SYCP3: variants seen among roughly 807,000 people sequenced by gnomAD.
SYCP3 encodes synaptonemal complex protein 3.
In SYCP3, 29 loss-of-function variants were observed where a neutral mutation model predicts 38.5. That is an observed-to-expected ratio of 0.75 (90% CI 0.56 to 1.03). The LOEUF (loss-of-function observed/expected upper bound fraction) is 1.03. SYCP3 is among the 50% of genes least tolerant of loss of function. The pLI, the probability that SYCP3 is intolerant of heterozygous loss-of-function variation, is 0.00. For synonymous variants in SYCP3, 79 were observed against 80.3 expected, an observed-to-expected ratio of 0.98 and a Z score of 0.08; for missense variants, 242 against 270.7, an observed-to-expected ratio of 0.89 and a Z score of 0.74.
At chr12:101,735,508 A>C (rs906134939) in intron 4 of SYCP3, among the ~76,000 whole-genome samples, 1 of 152,010 alleles carries the variant, frequency 6.6e-6, no homozygotes, top group Admixed American at 6.6e-5. Flanking sequence ...TAAAAATACA[A>C]AAATTAGCTG....
chr12:101,729,994 CAA>C (rs1466549599), intron 7 of SYCP3, among the ~76,000 whole-genome samples: 1 of 151,964 alleles, frequency 6.6e-6, no homozygotes, highest in Non-Finnish European at 1.5e-5. Flanking sequence ...GGGTAATGAA[CAA>C]ATGTAGTAAA....
Position 101,737,891 on chromosome 12 carries a change from CG to C in SYCP3, c.44del (p.Pro15ArgfsTer21). The part of the protein sequence containing the change: ...GKKYSRKSGK[P>X]SVEDQFTRAY... Reference sequence around the variant, plus strand: ...CTCTCGTAAACTGATCTTCCACAGACGGCTTCCCAGATTTCCTGGAATACTT... The same window carrying C: ...CTCTCGTAAACTGATCTTCCACAGACGCTTCCCAGATTTCCTGGAATACTT... On this transcript the variant is annotated frameshift_variant, in exon 2 of 9. Transcript: ENST00000392924. LOFTEE classifies it high-confidence loss of function. The C allele has an allele frequency of 6.2e-7, 1 of 1,614,142 alleles. No individual in the cohort carries two copies. The highest frequency in any genetic ancestry group is 8.5e-7 in the Non-Finnish European group (1 of 1,180,024).
intron 1 of SYCP3, 180 bp downstream of exon 1, chr12:101,739,171 G>A (rs1952608788): frequency 4.7e-5 from 11 of 232,288 alleles, no homozygotes; most frequent in East Asian, 1.9e-4. Flanking sequence ...CCCAGCCCCA[G>A]CCCAGCCCGC....
chr12:101,737,908 T>C lies in SYCP3; in HGVS notation c.28A>G (p.Arg10Gly). Reference sequence around the variant, plus strand: ...TCCACAGACGGCTTCCCAGATTTCCTGGAATACTTTTTTCCGGAGGACACC... The same window carrying C: ...TCCACAGACGGCTTCCCAGATTTCCCGGAATACTTTTTTCCGGAGGACACC... MVSSGKKYS[R>G]KSGKPSVEDQ... Residue 10 changes from arginine (R) to glycine (G), a missense_variant, in exon 2 of 9, where the codon AGG (arginine) becomes GGG (glycine). By Grantham distance (125) the Arg-to-Gly change is moderately radical. Coordinates refer to ENST00000392924, the MANE Select transcript of SYCP3 (RefSeq NM_001177949.2). 1 of 1,614,178 alleles carries C rather than the reference T, an allele frequency of 6.2e-7. No homozygotes were observed.
intron 1 of SYCP3, 37 bp from the exon 2 acceptor site, chr12:101,737,989 A>G: frequency 6.2e-7 from 1 of 1,609,800 alleles, no homozygotes; most frequent in Non-Finnish European, 8.5e-7. Flanking sequence ...TCTGAATGCA[A>G]AGACATCATT....
At chr12:101,737,976 C>T in intron 1 of SYCP3, 24 bp from the exon 2 acceptor site, 18 of 1,612,050 alleles carry the variant, frequency 1.1e-5, no homozygotes, top group Non-Finnish European at 1.4e-5. Flanking sequence ...ATTTCTTTAA[C>T]CTTCTGAATG....
At position 101,737,971 on chromosome 12, in the gene SYCP3, T is replaced by A; in HGVS notation, c.-17-19A>T. 3 of 1,612,454 alleles carry A rather than the reference T, an allele frequency of 1.9e-6. No individual in the cohort carries two copies. The highest frequency in any genetic ancestry group is 1.7e-6 in the Non-Finnish European group (2 of 1,178,872). ...TTCCTGACTTTAAAAAACAAATTTC[T>A]TTAACCTTCTGAATGCAAAGACATC... On this transcript the variant is annotated intron_variant, in intron 1 of 8. Coordinates refer to ENST00000392924, the MANE Select transcript of SYCP3 (RefSeq NM_001177949.2).
chr12:101,734,520 T>C (rs1952321790), intron 5 of SYCP3, among the ~76,000 whole-genome samples: 2 of 152,242 alleles, frequency 1.3e-5, no homozygotes. Flanking sequence ...GTTATAGGGC[T>C]ACAGGACTAT....
At chr12:101,731,080 T>G (rs576014977) in intron 7 of SYCP3, among the ~76,000 whole-genome samples, 34 of 152,356 alleles carry the variant, frequency 2.2e-4, no homozygotes, top group Admixed American at 5.9e-4. Context: ...ATATCTGTTA[T>G]TTTATGTTGG....
chr12:101,732,668 CTTTT>C (rs549684402), intron 6 of SYCP3: 8 of 136,286 alleles, frequency 5.9e-5, no homozygotes, highest in African/African-American at 1.4e-4. Flanking sequence ...TTTCTTTTTT[CTTTT>C]TTTTTTTTTT....
chr12:101,730,106 T>G (rs1283220272), intron 7 of SYCP3, among the ~76,000 whole-genome samples: 1 of 152,116 alleles, frequency 6.6e-6, no homozygotes, highest in African/African-American at 2.4e-5. Context: ...AGAGATATAT[T>G]TTTAAAAGAT....
intron 7 of SYCP3, among the ~76,000 whole-genome samples, chr12:101,730,925 T>C (rs1952163938): frequency 6.6e-6 from 1 of 152,216 alleles, no homozygotes. Flanking sequence ...AAAAAGTATA[T>C]GCAAGATTCC....
At chr12:101,736,175 T>G (rs2137071418) in intron 4 of SYCP3, among the ~76,000 whole-genome samples, 1 of 152,168 alleles carries the variant, frequency 6.6e-6, no homozygotes, top group African/African-American at 2.4e-5. Context: ...ATTGGGCATT[T>G]TTACCCATAA....
chr12:101,735,125 A>C, intron 4 of SYCP3, 81 bp from the exon 5 acceptor site: 2 of 887,734 alleles, frequency 2.3e-6, no homozygotes, highest in South Asian at 2.9e-5. Context: ...AATATGGGTA[A>C]GGTTGGTTCA....
chr12:101,731,065 C>G (rs975032195), intron 7 of SYCP3, among the ~76,000 whole-genome samples: 4 of 152,122 alleles, frequency 2.6e-5, no homozygotes, highest in African/African-American at 9.7e-5. Flanking sequence ...CCTCAGATGT[C>G]TATTATATCT....
In SYCP3 at chr12:101,738,066, AAC is replaced by A. The variant is rs781562930; in HGVS notation, c.-17-116_-17-115del. On this transcript the variant is annotated intron_variant, in intron 1 of 8. Coordinates refer to ENST00000392924, the MANE Select transcript of SYCP3 (RefSeq NM_001177949.2). ...AACAAGGATTGTTGAATACAATTTT[AAC>A]AGTTTCCTCATTTATTTGGGGGGCC... is the stretch of plus-strand genomic sequence containing the variant. The A allele has an allele frequency of 7.0e-4, 880 of 1,250,998 alleles. 4 individuals carry two copies. The highest frequency in any genetic ancestry group is 8.6e-4 in the Non-Finnish European group (758 of 885,312). 77.5% of individuals were successfully genotyped at this position (1,250,998 alleles called of 1,614,324 possible).
chr12:101,737,716 T>C, intron 2 of SYCP3, 87 bp downstream of exon 2: 1 of 1,592,884 alleles, frequency 6.3e-7, no homozygotes, highest in South Asian at 1.1e-5. Context: ...CTGAAAATGC[T>C]TTACAAACTA....
At position 101,734,947 on chromosome 12, in the gene SYCP3, C is replaced by A. The variant is rs1344883266; in HGVS notation, c.333G>T (p.Trp111Cys). 1 of 1,612,080 alleles carries A rather than the reference C, an allele frequency of 6.2e-7. No homozygotes were observed. Among genetic ancestry groups the A allele is most frequent in the South Asian group, 1.1e-5 (1 of 90,974 alleles). The change falls in exon 5 of 9, where the codon TGG becomes TGT. Residue 111 changes from tryptophan (W) to cysteine (C), a missense_variant. Physicochemically the swap from Trp to Cys is radical, Grantham distance 215. Transcript: ENST00000392924. ...CTTACCTTTGATCTTGTTGTGTTTTCCAAACATGTTCAATTTTCTGGTTAC... is the reference window on the plus strand; with the variant it reads ...CTTACCTTTGATCTTGTTGTGTTTTACAAACATGTTCAATTTTCTGGTTAC... ...KTSNQKIEHV[W>C]KTQQDQRQKL...
intron 2 of SYCP3, 69 bp downstream of exon 2, chr12:101,737,734 C>T (rs964554259): frequency 8.9e-5 from 143 of 1,605,614 alleles, no homozygotes; most frequent in Non-Finnish European, 1.2e-4. Context: ...CTAAGTTGTA[C>T]GATAGTCTCA....
Sources: allele counts gnomAD v4.1 joint callset (sites outside exome capture counted in the v4.1 genomes callset), GRCh38; gene constraint gnomAD v4.1.1; transcripts MANE v1.5; gene names NCBI Gene and HGNC (gene_info 2026-07-23, HGNC 2026-07-21).